TRMT44: variants seen among roughly 807,000 people sequenced by gnomAD.
The protein encoded by TRMT44 is tRNA methyltransferase 44 homolog.
Under a neutral mutation model 77.3 loss-of-function variants are expected in TRMT44, and 78 were observed. That is an observed-to-expected ratio of 1.01 (90% CI 0.84 to 1.22). The LOEUF (loss-of-function observed/expected upper bound fraction) is 1.22. Among genes scored for constraint, TRMT44 ranks in the 50% most tolerant of loss-of-function variants. The probability of loss-of-function intolerance (pLI) is 0.00; values close to 1 mark genes in which losing one functional copy is unlikely to be tolerated. For synonymous variants in TRMT44, 391 were observed against 383.3 expected, an observed-to-expected ratio of 1.02 and a Z score of -0.23; for missense variants, 1,090 against 964.4, an observed-to-expected ratio of 1.13 and a Z score of -1.73.
At position 8,446,517 on chromosome 4, in the gene TRMT44, G is replaced by C; in HGVS notation, c.661G>C (p.Asp221His). The change falls in exon 2 of 11, where the codon GAT (aspartate) becomes CAT (histidine). Residue 221 changes from aspartate to histidine, a missense_variant. Asp to His is a moderately conservative substitution (Grantham distance 81). Coordinates refer to ENST00000389737, the MANE Select transcript of TRMT44 (RefSeq NM_152544.3). This position sits in a 1 kb window ranked among gnomAD's most constrained non-coding sequence, Gnocchi z 4.3. ...GTITFLPLEE[D>H]DEGNLKVKMS... ...CATAACGTTTTTGCCTTTGGAAGAAGATGATGAGGGGAACCTAAAGGTTAA... is the reference window on the plus strand; with the variant it reads ...CATAACGTTTTTGCCTTTGGAAGAACATGATGAGGGGAACCTAAAGGTTAA... The C allele has an allele frequency of 6.5e-7, 1 of 1,536,600 alleles. No individual in the cohort carries two copies. Among genetic ancestry groups the C allele is most frequent in the Non-Finnish European group, 8.7e-7 (1 of 1,147,010 alleles).
chr4:8,507,776 C>T, the TRMT44 span, among the ~76,000 whole-genome samples: 3 of 152,204 alleles, frequency 2.0e-5, no homozygotes, highest in Non-Finnish European at 4.4e-5. Flanking sequence ...TTCCGGCCCC[C>T]GCTCCTTCAC....
chr4:8,470,116 G>A (rs557147017), intron 9 of TRMT44, among the ~76,000 whole-genome samples: 1 of 152,386 alleles, frequency 6.6e-6, no homozygotes, highest in African/African-American at 2.4e-5. Flanking sequence ...GCCAGAGCCG[G>A]GGCAACAGGG....
the TRMT44 span, among the ~76,000 whole-genome samples, chr4:8,515,942 C>T: frequency 6.6e-6 from 1 of 152,298 alleles, no homozygotes; most frequent in East Asian, 1.9e-4. Context: ...GCTCGCCAGG[C>T]TTTCCACGCC....
At chr4:8,495,562 G>A (rs1358087570), downstream of TRMT44, among the ~76,000 whole-genome samples, 2 of 152,216 alleles carry the variant, frequency 1.3e-5, no homozygotes, top group Non-Finnish European at 2.9e-5. Context: ...ATATTAACTA[G>A]GTGACAGTTT....
At chr4:8,506,484 C>G in the TRMT44 span, among the ~76,000 whole-genome samples, 1 of 152,166 alleles carries the variant, frequency 6.6e-6, no homozygotes. Flanking sequence ...CCTTCCAGCC[C>G]GGGCACCACT....
At chr4:8,467,537 CA>C (rs1283479370) in intron 8 of TRMT44, among the ~76,000 whole-genome samples, 1 of 152,146 alleles carries the variant, frequency 6.6e-6, no homozygotes, top group East Asian at 1.9e-4. Flanking sequence ...GGCTGGAGTG[CA>C]TTGGCACAAT....
intron 9 of TRMT44, 171 bp downstream of exon 9, chr4:8,468,517 C>A: frequency 1.5e-6 from 1 of 650,652 alleles, no homozygotes; most frequent in Non-Finnish European, 2.6e-6. Context: ...TAAAATTTTC[C>A]AAATAGCTCT....
At chr4:8,454,529 G>C (rs1725665230) in intron 5 of TRMT44, 3 of 594,376 alleles carry the variant, frequency 5.0e-6, no homozygotes, top group Middle Eastern at 4.5e-4. Flanking sequence ...TCCAGCTGTT[G>C]CTGCTAGCAG....
chr4:8,471,683 G>A (rs1312257017), intron 10 of TRMT44, among the ~76,000 whole-genome samples: 2 of 152,258 alleles, frequency 1.3e-5, no homozygotes, highest in Non-Finnish European at 1.5e-5. Context: ...GGCCTGGGCA[G>A]GCGGAGGTCC....
intron 2 of TRMT44, among the ~76,000 whole-genome samples, chr4:8,482,072 G>A (rs573354102): frequency 1.3e-3 from 204 of 152,338 alleles, no homozygotes; most frequent in Middle Eastern, 6.8e-3. Context: ...CAAAGCTTTT[G>A]CTAAACCCTT....
chr4:8,472,191 C>T (rs1346556989), intron 10 of TRMT44, among the ~76,000 whole-genome samples: 2 of 152,130 alleles, frequency 1.3e-5, no homozygotes, highest in Admixed American at 6.5e-5. Context: ...TGGCCTGGCC[C>T]GAGTGGGCTC....
At chr4:8,482,939 A>G (rs1426708036) in intron 2 of TRMT44, among the ~76,000 whole-genome samples, 2 of 151,524 alleles carry the variant, frequency 1.3e-5, no homozygotes, top group South Asian at 2.1e-4. Context: ...ATAATGGGCA[A>G]TGTTTCTCAG....
At position 8,454,792 on chromosome 4, in the gene TRMT44, T is replaced by C. The variant is rs1231190452; in HGVS notation, c.1182T>C (p.Tyr394=). The change falls in exon 6 of 11, where the codon TAT becomes TAC. Residue 394 remains tyrosine (Y), a synonymous_variant. Coordinates refer to ENST00000389737, the MANE Select transcript of TRMT44 (RefSeq NM_152544.3). ...DVRRRKIWDM[Y]GPQTQLEEDA... ...GAAGAAGAAAAATCTGGGACATGTA[T>C]GGACCACAAACTCAGTTAGAGGTAC... 12 of 1,614,132 alleles carry C rather than the reference T, an allele frequency of 7.4e-6. No homozygotes were observed. Among genetic ancestry groups the C allele is most frequent in the Non-Finnish European group, 9.3e-6 (11 of 1,180,048 alleles).
intron 10 of TRMT44, among the ~76,000 whole-genome samples, chr4:8,472,699 G>A (rs1278000778): frequency 6.6e-6 from 1 of 152,180 alleles, no homozygotes; most frequent in Non-Finnish European, 1.5e-5. Context: ...CATGGTTGGA[G>A]CCTGTGTTTC....
At chr4:8,447,273 A>T (rs1725115682) in intron 2 of TRMT44, among the ~76,000 whole-genome samples, 1 of 152,234 alleles carries the variant, frequency 6.6e-6, no homozygotes, top group South Asian at 2.1e-4. Context: ...GCGGTTTAAT[A>T]AGCACCCTTA....
At chr4:8,503,185 C>A in the TRMT44 span, among the ~76,000 whole-genome samples, 8 of 152,338 alleles carry the variant, frequency 5.3e-5, no homozygotes, top group African/African-American at 1.9e-4. Flanking sequence ...AAACCCGACC[C>A]CTTCCCCAGG....
Position 8,446,642 on chromosome 4 carries a change from T to TGGAAAGAAAAAGAGAAGAAGGACAAA in TRMT44, c.734+52_734+53insGGAAAGAAAAAGAGAAGAAGGACAAA. The stretch of plus-strand genomic sequence containing the variant: ...TTTTATGGTTTCCATTGAGGATTTC[T>TGGAAAGAAAAAGAGAAGAAGGACAAA]TTAGGTAGCCAAAGGATTCTGGGTT... On this transcript the variant is annotated intron_variant, in intron 2 of 10. Coordinates refer to ENST00000389737, the MANE Select transcript of TRMT44 (RefSeq NM_152544.3). The surrounding 1 kb of genome is among the most constrained non-coding windows in gnomAD (Gnocchi z 4.3). 1 of 1,322,318 alleles carries TGGAAAGAAAAAGAGAAGAAGGACAAA rather than the reference T, an allele frequency of 7.6e-7. No individual in the cohort carries two copies. The highest frequency in any genetic ancestry group is 1.0e-6 in the Non-Finnish European group (1 of 963,632). 81.9% of individuals were successfully genotyped at this position (1,322,318 alleles called of 1,614,324 possible). A position where few individuals can be genotyped will look rare whatever the true frequency, so the allele number is the denominator to read the frequency against.
the TRMT44 span, among the ~76,000 whole-genome samples, chr4:8,514,398 T>A: frequency 1.3e-5 from 2 of 151,704 alleles, no homozygotes; most frequent in Non-Finnish European, 2.9e-5. Flanking sequence ...CTCAGCCTCC[T>A]GAGTAGCTGG....
intron 2 of TRMT44, among the ~76,000 whole-genome samples, chr4:8,491,822 A>G (rs2631756): frequency 0.71 from 108,237 of 152,232 alleles, 39,319 homozygotes; most frequent in African/African-American, 0.86. Flanking sequence ...TGAGGGAGCC[A>G]GCTGTGGCCT....
Sources: gnomAD v4.1 joint callset for allele counts (sites outside exome capture counted in the v4.1 genomes callset) on GRCh38, gnomAD v4.1.1 for gene constraint, Gnocchi (gnomAD v3.1) non-coding constraint, MANE v1.5 for transcripts, NCBI Gene and HGNC (gene_info 2026-07-23, HGNC 2026-07-21) for gene names.